The following BIN2 variants were observed in gnomAD, a reference collection of about 807,000 sequenced individuals.
The protein encoded by BIN2 is breast cancer associated protein BRAP1.
A neutral mutation model predicts 67.9 loss-of-function variants in BIN2; 43 were observed. The observed-to-expected ratio is 0.63, with a 90% confidence interval of 0.50 to 0.82. The LOEUF is 0.82. Among genes scored for constraint, BIN2 ranks in the 40% least tolerant of loss-of-function variants. BIN2 has a pLI of 0.00. For missense variants in BIN2, 581 were observed against 671.6 expected (o/e 0.87, Z 1.49); for synonymous variants, 244 against 246.8 (o/e 0.99, Z 0.11).
intron 12 of BIN2, among the ~76,000 whole-genome samples, chr12:51,283,447 C>A (rs1179153928): frequency 2.0e-5 from 3 of 151,982 alleles, no homozygotes; most frequent in African/African-American, 4.8e-5. Context: ...TATGGGTGAT[C>A]CTGACCGTAG....
At chr12:51,307,986 G>A (rs1199462026) in intron 2 of BIN2, among the ~76,000 whole-genome samples, 1 of 152,080 alleles carries the variant, frequency 6.6e-6, no homozygotes, top group African/African-American at 2.4e-5. Flanking sequence ...TTTCTTTTGC[G>A]AAGATGAAGT....
rs772909352 is a variant in BIN2, at chr12:51,291,723, G to C, written c.1383C>G (p.Thr461=). The C allele has an allele frequency of 3.1e-6, 5 of 1,613,568 alleles. No individual in the cohort carries two copies. In the African/African-American group the frequency reaches 6.7e-5, roughly 22 times the overall value. ...SLGTGTASPR[T]SLEVSPNPEP... ...CTGGATTAGGAGAGACCTCTAGGGA[G>C]GTCCTAGGACTTGCAGTCCCAGTCC... The change falls in exon 10 of 13, where the codon ACC becomes ACG. Residue 461 remains threonine (T), a synonymous_variant. Transcript: ENST00000615107.
intron 2 of BIN2, among the ~76,000 whole-genome samples, chr12:51,309,721 AC>A (rs1267222515): frequency 6.6e-6 from 1 of 151,988 alleles, no homozygotes; most frequent in Non-Finnish European, 1.5e-5. Context: ...CATTTCTCAA[AC>A]GTATTTTCCC....
chr12:51,309,172 C>A (rs1036462288), intron 2 of BIN2, among the ~76,000 whole-genome samples: 5 of 152,100 alleles, frequency 3.3e-5, no homozygotes, highest in Admixed American at 2.6e-4. Context: ...GTAATCCCAG[C>A]ACTCAAGGAG....
intron 5 of BIN2, among the ~76,000 whole-genome samples, 179 bp from the exon 6 acceptor site, chr12:51,299,893 C>T (rs985951431): frequency 1.3e-5 from 2 of 151,940 alleles, no homozygotes; most frequent in Non-Finnish European, 2.9e-5. Context: ...GGCTGGAGTG[C>T]AGTTGTGCGA....
Position 51,288,089 on chromosome 12 carries a change from T to A in BIN2, c.1596+19A>T. 1 of 1,563,386 alleles carries A rather than the reference T, an allele frequency of 6.4e-7. No individual in the cohort carries two copies. The highest frequency in any genetic ancestry group is 8.8e-7 in the Non-Finnish European group (1 of 1,134,700). Reference sequence around the variant, plus strand: ...AAAAAATAGGGCATCATCATGTAGATGACTTAGGCTTTTAGTACCTCCGAG... The same window carrying A: ...AAAAAATAGGGCATCATCATGTAGAAGACTTAGGCTTTTAGTACCTCCGAG... On this transcript the variant is annotated intron_variant, in intron 11 of 12. Coordinates refer to ENST00000615107, the MANE Select transcript of BIN2 (RefSeq NM_016293.4).
rs1945668921 is a variant in BIN2, at chr12:51,299,677, T to C, written c.446A>G (p.Tyr149Cys). The change falls in exon 6 of 13, where the codon TAT becomes TGT. Residue 149 changes from tyrosine to cysteine, a missense_variant. Tyr to Cys is a radical substitution (Grantham distance 194). Coordinates refer to ENST00000615107, the MANE Select transcript of BIN2 (RefSeq NM_016293.4). ...IAKRGRKLVDYDSARHHLEAV... is the reference protein window; with the variant it reads ...IAKRGRKLVDCDSARHHLEAV... ...CTCCAGGTGGTGTCGGGCACTGTCA[T>C]AGTCCACGAGTTTCCGACCCCGCTT... The C allele has an allele frequency of 1.2e-6, 2 of 1,614,126 alleles. No individual in the cohort carries two copies. The highest frequency in any genetic ancestry group is 1.3e-5 in the African/African-American group (1 of 75,028).
At position 51,299,252 on chromosome 12, in the gene BIN2, C is replaced by T; in HGVS notation, c.553G>A (p.Glu185Lys). 6.2e-7 allele frequency: 1 copy of T among 1,613,824 alleles called. No homozygotes were observed. The highest frequency in any genetic ancestry group is 8.5e-7 in the Non-Finnish European group (1 of 1,179,738). ...EEFNKAQTVF[E>K]DLNQELLEEL... is the part of the protein sequence containing the mutation. Reference sequence around the variant, plus strand: ...TCTAGTAGTTCTTGGTTCAGATCTTCAAACACAGTCTGGGCTTTGTTGAAC... The same window carrying T: ...TCTAGTAGTTCTTGGTTCAGATCTTTAAACACAGTCTGGGCTTTGTTGAAC... Residue 185 changes from glutamate (E) to lysine (K), a missense_variant, in exon 7 of 13, where the codon GAA (glutamate) becomes AAA (lysine). Glu to Lys is a moderately conservative substitution (Grantham distance 56, BLOSUM62 1). Coordinates refer to ENST00000615107, the MANE Select transcript of BIN2 (RefSeq NM_016293.4).
chr12:51,313,045 C>T (rs1946032006), intron 2 of BIN2, among the ~76,000 whole-genome samples: 1 of 151,864 alleles, frequency 6.6e-6, no homozygotes, highest in African/African-American at 2.4e-5. Flanking sequence ...CCAGCCTGGC[C>T]AACATGGTGA....
chr12:51,294,692 A>G (rs1197137307), intron 9 of BIN2, among the ~76,000 whole-genome samples: 1 of 151,340 alleles, frequency 6.6e-6, no homozygotes, highest in Non-Finnish European at 1.5e-5. Context: ...ATTTATTTCC[A>G]TGCGTATTAT....
chr12:51,284,302 A>C (rs1945186513), intron 12 of BIN2, among the ~76,000 whole-genome samples: 1 of 152,238 alleles, frequency 6.6e-6, no homozygotes, highest in Admixed American at 6.5e-5. Context: ...ATAGGTTTGC[A>C]GCCTAGAAGC....
At chr12:51,302,860 T>C in intron 3 of BIN2, 80 bp from the exon 4 acceptor site, 1 of 1,319,300 alleles carries the variant, frequency 7.6e-7, no homozygotes, top group Non-Finnish European at 1.1e-6. Context: ...AAATCAGTGG[T>C]TCCAATTCAG....
chr12:51,313,131 G>A (rs1426837832), intron 2 of BIN2, among the ~76,000 whole-genome samples: 10 of 151,192 alleles, frequency 6.6e-5, no homozygotes, highest in African/African-American at 1.9e-4. Context: ...TCAGCTACTC[G>A]GGAGGCTGAG....
rs760892353 is a variant in BIN2 at position 51,299,156 on chromosome 12, G to A, written c.602+47C>T. ...TCTACTTACTGTCAAGGCACACAAG[G>A]TGCCTTGTGTGAAGCAAAGGCACCT... is the stretch of plus-strand genomic sequence containing the variant. On this transcript the variant is annotated intron_variant, in intron 7 of 12. Transcript: ENST00000615107. 9 of 1,373,454 alleles carry A rather than the reference G, an allele frequency of 6.6e-6. No homozygotes were observed. The East Asian group carries it at 1.6e-4, about 24-fold the overall frequency. The allele number at this position is 1,373,454 out of a possible 1,614,324, so 85.1% of individuals were successfully genotyped here.
At chr12:51,305,022 CAA>C (rs966987273) in intron 2 of BIN2, among the ~76,000 whole-genome samples, 15 of 146,458 alleles carry the variant, frequency 1.0e-4, no homozygotes, top group African/African-American at 3.3e-4. Flanking sequence ...CGTCTCAAAA[CAA>C]AACAAAAAAC....
At chr12:51,291,531 A>G (rs1269899458) in intron 10 of BIN2, 60 bp downstream of exon 10, 1 of 1,483,992 alleles carries the variant, frequency 6.7e-7, no homozygotes, top group East Asian at 2.4e-5. Context: ...CGCCTGAGTG[A>G]GACCCTAGCT....
At chr12:51,283,455 T>C (rs1945163798) in intron 12 of BIN2, among the ~76,000 whole-genome samples, 2 of 152,042 alleles carry the variant, frequency 1.3e-5, no homozygotes, top group Admixed American at 6.6e-5. Context: ...ATCCTGACCG[T>C]AGGCCAATGT....
intron 5 of BIN2, among the ~76,000 whole-genome samples, chr12:51,300,984 G>A (rs1408141200): frequency 6.6e-6 from 1 of 152,188 alleles, no homozygotes; most frequent in Non-Finnish European, 1.5e-5. Flanking sequence ...ACTTTGGGAG[G>A]CCGTGGGCGG....
At chr12:51,302,899 A>G in intron 3 of BIN2, 119 bp from the exon 4 acceptor site, 6 of 1,150,462 alleles carry the variant, frequency 5.2e-6, no homozygotes, top group Non-Finnish European at 7.8e-6. Context: ...TTTAGGTTAT[A>G]TAAGTGAGGA....
Sources: allele counts gnomAD v4.1 joint callset (sites outside exome capture counted in the v4.1 genomes callset), GRCh38; gene constraint gnomAD v4.1.1; transcripts MANE v1.5; gene names NCBI Gene and HGNC (gene_info 2026-07-23, HGNC 2026-07-21).